DLGAP2: variants seen among roughly 807,000 people sequenced by gnomAD.
DLGAP2 encodes the protein disks large-associated protein 2.
DLGAP2 carries 26 observed loss-of-function variants against 100.3 expected under a neutral mutation model. The ratio of observed to expected loss-of-function variants is 0.26; its 90% CI spans 0.19 to 0.36. DLGAP2 has a LOEUF of 0.36. DLGAP2 is among the 10% of genes least tolerant of loss of function. The pLI, the probability that DLGAP2 is intolerant of heterozygous loss-of-function variation, is 1.00. For synonymous variants in DLGAP2, 886 were observed against 630.1 expected, an observed-to-expected ratio of 1.41 and a Z score of -6.08; for missense variants, 1,858 against 1,453.2, an observed-to-expected ratio of 1.28 and a Z score of -4.53.
chr8:813,480 C>T (rs1274395319), intron 1 of DLGAP2, among the ~76,000 whole-genome samples: 1 of 152,142 alleles, frequency 6.6e-6, no homozygotes. Context: ...GAAATAGAAA[C>T]ATGAACTCTG....
In DLGAP2 at chr8:1,191,332, G is replaced by A. The variant is rs527335900; in HGVS notation, c.74-67519G>A. Among the ~76,000 whole-genome samples, 23 of 151,944 alleles carry A rather than the reference G, an allele frequency of 1.5e-4. No homozygotes were observed. The East Asian group carries it at 2.3e-3, about 15-fold the overall frequency. ...ACTACAGGCACCCGCCACCACGCCC[G>A]GCTAATTTTTTGTATTTTTGGTAGA... is the stretch of plus-strand genomic sequence containing the variant. On this transcript the variant is annotated intron_variant, in intron 2 of 14. Coordinates refer to ENST00000637795, the MANE Select transcript of DLGAP2 (RefSeq NM_001346810.2).
At chr8:811,526 T>G (rs1487819769) in intron 1 of DLGAP2, among the ~76,000 whole-genome samples, 1 of 147,934 alleles carries the variant, frequency 6.8e-6, no homozygotes, top group African/African-American at 2.5e-5. Flanking sequence ...AGCTTTCGGA[T>G]GAAGCTCCCA....
At chr8:1,259,377 G>A (rs779538903) in intron 3 of DLGAP2, among the ~76,000 whole-genome samples, 15 of 152,166 alleles carry the variant, frequency 9.9e-5, no homozygotes, top group African/African-American at 2.9e-4. Flanking sequence ...TAAAACACGC[G>A]GCAAAGTAGG....
rs192886274 is a variant in DLGAP2, at chr8:1,688,078, A to G, written c.2705-3457A>G. On this transcript the variant is annotated intron_variant, in intron 12 of 14. Coordinates refer to ENST00000637795, the MANE Select transcript of DLGAP2 (RefSeq NM_001346810.2). The stretch of plus-strand genomic sequence containing the variant: ...AGCTTTCACTGTCACCCCTGTCAAG[A>G]AACCACTCAAACCCCACCGCCTCCA... 4.4e-3 allele frequency among the ~76,000 whole-genome samples: 667 copies of G among 152,210 alleles called. 2 individuals are homozygous for G. The highest frequency in any genetic ancestry group is 6.8e-3 in the Middle Eastern group (2 of 294).
At chr8:1,052,867 A>T (rs1041699449) in intron 2 of DLGAP2, among the ~76,000 whole-genome samples, 10 of 152,212 alleles carry the variant, frequency 6.6e-5, no homozygotes, top group African/African-American at 2.4e-4. Context: ...ACTGGCTGCA[A>T]TCCATACCTG....
chr8:809,884 C>G (rs1338610472), intron 1 of DLGAP2, among the ~76,000 whole-genome samples: 5 of 152,212 alleles, frequency 3.3e-5, no homozygotes, highest in Admixed American at 2.6e-4. Flanking sequence ...TGTCGTCCGT[C>G]TGGCTCTGAC....
intron 6 of DLGAP2, among the ~76,000 whole-genome samples, chr8:1,592,624 T>A (rs892793327): frequency 2.6e-5 from 4 of 152,180 alleles, no homozygotes; most frequent in Non-Finnish European, 5.9e-5. Context: ...GGACAACTTC[T>A]AACTATTGAA....
At position 1,470,803 on chromosome 8, in the gene DLGAP2, G is replaced by T. The variant is rs1285867937; in HGVS notation, c.107-30563G>T. 6.6e-4 allele frequency among the ~76,000 whole-genome samples: 43 copies of T among 64,876 alleles called. 2 individuals are homozygous for T. The highest frequency in any genetic ancestry group is 2.0e-3 in the African/African-American group (37 of 18,464). 42.6% of individuals were successfully genotyped at this position (64,876 alleles called of 152,430 possible). On this transcript the variant is annotated intron_variant, in intron 3 of 14. Transcript: ENST00000637795. ...CCCCCAGCCTTTCCCGACCCCTCCAGCCTTTCCCGACCCCTCCAGCCTTTC... is the reference window on the plus strand; with the variant it reads ...CCCCCAGCCTTTCCCGACCCCTCCATCCTTTCCCGACCCCTCCAGCCTTTC...
intron 2 of DLGAP2, among the ~76,000 whole-genome samples, chr8:1,197,690 T>C (rs561805655): frequency 1.5e-5 from 1 of 66,206 alleles, no homozygotes; most frequent in Non-Finnish European, 2.8e-5. Context: ...CATATAAACC[T>C]GAGCCACGTC....
At chr8:1,506,436 C>A (rs985515192) in intron 4 of DLGAP2, among the ~76,000 whole-genome samples, 1 of 152,180 alleles carries the variant, frequency 6.6e-6, no homozygotes, top group African/African-American at 2.4e-5. Context: ...TTTGGAGTTT[C>A]TTCCTTCTGG....
intron 13 of DLGAP2, among the ~76,000 whole-genome samples, chr8:1,695,996 C>T (rs940135239): frequency 6.6e-6 from 1 of 152,212 alleles, no homozygotes; most frequent in Non-Finnish European, 1.5e-5. Context: ...GGCTCAGCCG[C>T]GCGGAGGGCA....
intron 3 of DLGAP2, among the ~76,000 whole-genome samples, chr8:1,315,158 A>G (rs1198724241): frequency 6.6e-6 from 1 of 152,270 alleles, no homozygotes; most frequent in Non-Finnish European, 1.5e-5. Context: ...GGAGAAAGTC[A>G]AGAAATAACT....
chr8:1,145,600 G>T (rs894925568), intron 2 of DLGAP2, among the ~76,000 whole-genome samples: 6 of 151,996 alleles, frequency 3.9e-5, no homozygotes, highest in African/African-American at 1.5e-4. Flanking sequence ...TATTTTTGGT[G>T]AATCTATGGA....
chr8:1,044,960 C>CAGAG (rs1430596491), intron 2 of DLGAP2, among the ~76,000 whole-genome samples: 2 of 152,232 alleles, frequency 1.3e-5, no homozygotes, highest in African/African-American at 4.8e-5. Context: ...CTCCATCTTT[C>CAGAG]AGAGGAATAT....
At chr8:1,270,238 C>T (rs770426294) in intron 3 of DLGAP2, among the ~76,000 whole-genome samples, 7 of 152,032 alleles carry the variant, frequency 4.6e-5, no homozygotes, top group Admixed American at 2.6e-4. Context: ...AGCTGTGAAC[C>T]GTATACACAG....
intron 2 of DLGAP2, among the ~76,000 whole-genome samples, chr8:946,321 T>C (rs1203807248): frequency 6.6e-6 from 1 of 151,432 alleles, no homozygotes; most frequent in East Asian, 1.9e-4. Context: ...TGGAGTGCAG[T>C]GGTGCGATCT....
intron 7 of DLGAP2, 129 bp from the exon 8 acceptor site, chr8:1,632,698 C>T (rs1052390312): frequency 2.3e-6 from 2 of 856,138 alleles, no homozygotes; most frequent in Non-Finnish European, 3.6e-6. Context: ...ATGCTGACTT[C>T]AGGTTAACTG....
Position 1,372,192 on chromosome 8 carries a change from G to A in DLGAP2, c.106+113309G>A, listed in dbSNP as rs549587312. ...GTCACCGTGGCGCCAACGCTGGGGC[G>A]CAGGTCACCGTGCTGCCAACGCTGG... On this transcript the variant is annotated intron_variant, in intron 3 of 14. Coordinates refer to ENST00000637795, the MANE Select transcript of DLGAP2 (RefSeq NM_001346810.2). 3.5e-3 allele frequency among the ~76,000 whole-genome samples: 526 copies of A among 152,118 alleles called. 2 individuals carry two copies. The highest frequency in any genetic ancestry group is 0.012 in the African/African-American group (490 of 41,458).
intron 8 of DLGAP2, among the ~76,000 whole-genome samples, chr8:1,664,116 C>T (rs942072394): frequency 3.9e-5 from 6 of 152,280 alleles, no homozygotes; most frequent in Non-Finnish European, 7.4e-5. Flanking sequence ...GCTGTGGGTG[C>T]GGGCACAGCA....
Sources: allele counts gnomAD v4.1 joint callset (sites outside exome capture counted in the v4.1 genomes callset), GRCh38; gene constraint gnomAD v4.1.1; transcripts MANE v1.5; gene names NCBI Gene and HGNC (gene_info 2026-07-23, HGNC 2026-07-21).